ADARB1: variants seen among roughly 807,000 people sequenced by gnomAD.
ADARB1 encodes adenosine deaminase RNA specific B1.
A neutral mutation model predicts 52.4 loss-of-function variants in ADARB1; 10 were observed. The ratio of observed to expected loss-of-function variants is 0.19; its 90% confidence interval spans 0.12 to 0.32. The LOEUF is 0.32. Ranked by LOEUF, ADARB1 falls within the 10% of genes least tolerant of loss-of-function variation. The pLI is 1.00. For synonymous variants in ADARB1, 349 were observed against 371.1 expected (o/e 0.94, Z 0.68); for missense variants, 643 against 922.3 (o/e 0.70, Z 3.92).
At position 45,180,342 on chromosome 21, in the gene ADARB1, G is replaced by T. The variant is rs1303618439; in HGVS notation, c.976G>T (p.Ala326Ser). The change falls in exon 5 of 11, where the codon GCT (alanine) becomes TCT (serine). Residue 326 changes from alanine to serine, a missense_variant. Ala to Ser is a moderately conservative substitution (Grantham distance 99). This residue lies in a region of ADARB1 where 380 missense variants were observed against 446.5 expected (regional missense o/e 0.85). Coordinates refer to ENST00000348831, the MANE Select transcript of ADARB1 (RefSeq NM_001112.4). ...GCTTCCCACACAGGTTTTAGCTGACGCTGTCTCACGCCTGGTCCTGGGTAA... is the reference window on the plus strand; with the variant it reads ...GCTTCCCACACAGGTTTTAGCTGACTCTGTCTCACGCCTGGTCCTGGGTAA... The part of the protein sequence containing the change: ...QLHLPQVLAD[A>S]VSRLVLGKFG... 6.2e-7 allele frequency: 1 copy of T among 1,613,918 alleles called. No individual in the cohort carries two copies. The highest frequency in any genetic ancestry group is 1.1e-5 in the South Asian group (1 of 91,032).
chr21:45,176,016 C>T lies in ADARB1; in HGVS notation c.315C>T (p.His105=), dbSNP rs1195533439. The change falls in exon 4 of 11, where the codon CAC becomes CAT. Residue 105 remains histidine, a synonymous_variant. Coordinates refer to ENST00000348831, the MANE Select transcript of ADARB1 (RefSeq NM_001112.4). This position sits in a 1 kb window ranked among gnomAD's most constrained non-coding sequence, Gnocchi z 5.8. The part of the protein sequence containing the change: ...YTLLSQTGPV[H]APLFVMSVEV... ...TCCTGTCCCAGACTGGGCCCGTGCA[C>T]GCGCCTTTGTTTGTCATGTCTGTGG... The T allele has an allele frequency of 6.8e-6, 11 of 1,614,066 alleles. No individual in the cohort carries two copies. Among genetic ancestry groups the T allele is most frequent in the East Asian group, 2.2e-5 (1 of 44,902 alleles).
rs751872032 is a variant in ADARB1, at chr21:45,176,493, C to T, written c.792C>T (p.Val264=). The T allele has an allele frequency of 1.1e-5, 17 of 1,614,208 alleles. No individual in the cohort carries two copies. The highest frequency in any genetic ancestry group is 1.4e-5 in the Non-Finnish European group (17 of 1,180,040). ...GGGAGAGCCATGCCAAGAGCTTCGT[C>T]ATGTCTGTGGTCGTGGATGGTCAGT... is the stretch of plus-strand genomic sequence containing the variant. The part of the protein sequence containing the change: ...ESGESHAKSF[V]MSVVVDGQFF... The change falls in exon 4 of 11, where the codon GTC becomes GTT. Residue 264 remains valine (V), a synonymous_variant. Coordinates refer to ENST00000348831, the MANE Select transcript of ADARB1 (RefSeq NM_001112.4). The surrounding 1 kb of genome is among the most constrained non-coding windows in gnomAD (Gnocchi z 5.8).
rs555782270 is a variant in ADARB1, at chr21:45,114,289, C to T, written c.-219-14113C>T. ...CTGTGTCAAGTCAGGACACATGTAT[C>T]CCCATTCACATTGCTGAACTCAGGA... On this transcript the variant is annotated intron_variant, in intron 1 of 10. Coordinates refer to ENST00000348831, the MANE Select transcript of ADARB1 (RefSeq NM_001112.4). Among the ~76,000 whole-genome samples, 6 of 152,278 alleles carry T rather than the reference C, an allele frequency of 3.9e-5. No homozygotes were observed. The East Asian group carries it at 7.7e-4, about 20-fold the overall frequency.
rs1405279202 is a variant in ADARB1, at chr21:45,222,899, C to T, written c.*702C>T. On this transcript the variant is annotated 3_prime_UTR_variant, in exon 11 of 11. Coordinates refer to ENST00000348831, the MANE Select transcript of ADARB1 (RefSeq NM_001112.4). ...CTGTGTGTCCTGCAGAGGCGTGACC[C>T]AGGCCCCTGTAGCCCTCAGCCTCCT... The T allele has an allele frequency of 1.0e-6, 1 of 985,410 alleles. No homozygotes were observed. The highest frequency in any genetic ancestry group is 1.7e-5 in the African/African-American group (1 of 57,252). The allele number at this position is 985,410 out of a possible 1,614,324, so 61.0% of individuals were successfully genotyped here.
At chr21:45,195,226 T>A (rs1160558339) in intron 8 of ADARB1, among the ~76,000 whole-genome samples, 1 of 152,182 alleles carries the variant, frequency 6.6e-6, no homozygotes, top group Non-Finnish European at 1.5e-5. Flanking sequence ...TCTGTTAAAT[T>A]TTTTTGGCCA....
rs2090745531 is a variant in ADARB1, at chr21:45,157,846, C to T, written c.-47-13764C>T. 6.6e-6 allele frequency among the ~76,000 whole-genome samples: 1 copy of T among 152,192 alleles called. No homozygotes were observed. Among genetic ancestry groups the T allele is most frequent in the African/African-American group, 2.4e-5 (1 of 41,440 alleles). On this transcript the variant is annotated intron_variant, in intron 2 of 10. Coordinates refer to ENST00000348831, the MANE Select transcript of ADARB1 (RefSeq NM_001112.4). This position sits in a 1 kb window ranked among gnomAD's most constrained non-coding sequence, Gnocchi z 4.1. ...TTAAGCTCTGTTCTCTAACAGAAGT[C>T]ACCCTGGCAGTTGCTTCTAGTCCAG...
In ADARB1 at chr21:45,220,565, A is replaced by C. The variant is rs1243218229; in HGVS notation, c.1748-271A>C. Among the ~76,000 whole-genome samples the C allele has an allele frequency of 6.6e-6, 1 of 152,154 alleles. No homozygotes were observed. ...AGTCTCATGATTTCAGGTTTCTGTC[A>C]ATCTTCTGCCCACCTGCCCTGTCAG... On this transcript the variant is annotated intron_variant, in intron 9 of 10. Coordinates refer to ENST00000348831, the MANE Select transcript of ADARB1 (RefSeq NM_001112.4). The surrounding 1 kb of genome is among the most constrained non-coding windows in gnomAD (Gnocchi z 6.3).
At chr21:45,182,885 C>A in intron 6 of ADARB1, 132 bp downstream of exon 6, 1 of 871,548 alleles carries the variant, frequency 1.1e-6, no homozygotes, top group Non-Finnish European at 1.7e-6. Flanking sequence ...TAATTAGTAA[C>A]AATAAGGCTG....
At chr21:45,134,942 G>A in intron 2 of ADARB1, 1 of 412,924 alleles carries the variant, frequency 2.4e-6, no homozygotes, top group Non-Finnish European at 4.9e-6. Context: ...CTCTGCAGAT[G>A]CCCAGGTGGG....
rs756135135 is a variant in ADARB1, at chr21:45,176,356, C to G, written c.655C>G (p.Gln219Glu). 6.2e-7 allele frequency: 1 copy of G among 1,614,182 alleles called. No homozygotes were observed. The highest frequency in any genetic ancestry group is 1.1e-5 in the South Asian group (1 of 91,080). Reference protein sequence around the residue: ...SASPVPASLAQPPLPVLPPFP... With the variant: ...SASPVPASLAEPPLPVLPPFP... ...TTCCCCGGTGCCTGCCAGCCTAGCC[C>G]AGCCTCCTCTCCCTGTCTTACCACC... Residue 219 changes from glutamine (Q) to glutamate (E), a missense_variant, in exon 4 of 11, where the codon CAG becomes GAG. This residue lies in a region of ADARB1 where 380 missense variants were observed against 446.5 expected (regional missense o/e 0.85). Transcript: ENST00000348831. This position sits in a 1 kb window ranked among gnomAD's most constrained non-coding sequence, Gnocchi z 5.8.
intron 1 of ADARB1, among the ~76,000 whole-genome samples, chr21:45,110,317 A>G (rs2087477214): frequency 6.6e-6 from 1 of 152,156 alleles, no homozygotes; most frequent in Non-Finnish European, 1.5e-5. Context: ...TATTCTATGA[A>G]ATAATTAGTT....
intron 1 of ADARB1, among the ~76,000 whole-genome samples, chr21:45,108,893 T>C (rs1353145036): frequency 6.6e-6 from 1 of 152,258 alleles, no homozygotes; most frequent in East Asian, 1.9e-4. Flanking sequence ...CTTTGAAGGC[T>C]GTGTGATTGC....
At chr21:45,085,174 A>G (rs870350) in intron 1 of ADARB1, among the ~76,000 whole-genome samples, 10,186 of 152,116 alleles carry the variant, frequency 0.067, 391 homozygotes, top group East Asian at 0.15. Context: ...TCAAATTTCT[A>G]TCATTTGAGG....
In ADARB1 at chr21:45,223,498, C is replaced by T; in HGVS notation, c.*1301C>T. 1 of 985,654 alleles carries T rather than the reference C, an allele frequency of 1.0e-6. No individual in the cohort carries two copies. Among genetic ancestry groups the T allele is most frequent in the Non-Finnish European group, 1.2e-6 (1 of 830,108 alleles). 61.1% of individuals were successfully genotyped at this position (985,654 alleles called of 1,614,324 possible). On this transcript the variant is annotated 3_prime_UTR_variant, in exon 11 of 11. Coordinates refer to ENST00000348831, the MANE Select transcript of ADARB1 (RefSeq NM_001112.4). ...TGCACCAGGTGCCTTGTTGCCTCCG[C>T]TCAGGATGAAAGAGGAGCTGAGAGA...
chr21:45,193,014 T>C (rs563052472), intron 8 of ADARB1, among the ~76,000 whole-genome samples: 20 of 152,254 alleles, frequency 1.3e-4, no homozygotes, highest in African/African-American at 4.6e-4. Context: ...ATTCCAAACA[T>C]TTAAGGAAGA....
In ADARB1 at chr21:45,157,276, TCCAAA is replaced by T. The variant is rs1417898422; in HGVS notation, c.-47-14333_-47-14329del. ...CACTTGAAATACCATGGAAATTGGATCCAAAGCAGATTGAACAGTGCCAATTCTTA... is the reference window on the plus strand; with the variant it reads ...CACTTGAAATACCATGGAAATTGGATGCAGATTGAACAGTGCCAATTCTTA... On this transcript the variant is annotated intron_variant, in intron 2 of 10. Coordinates refer to ENST00000348831, the MANE Select transcript of ADARB1 (RefSeq NM_001112.4). The surrounding 1 kb of genome is among the most constrained non-coding windows in gnomAD (Gnocchi z 4.1). 1.3e-5 allele frequency among the ~76,000 whole-genome samples: 2 copies of T among 152,248 alleles called. No homozygotes were observed. The highest frequency in any genetic ancestry group is 4.8e-5 in the African/African-American group (2 of 41,464).
intron 1 of ADARB1, among the ~76,000 whole-genome samples, chr21:45,120,444 C>G (rs1419329907): frequency 2.0e-5 from 3 of 152,240 alleles, no homozygotes; most frequent in Non-Finnish European, 4.4e-5. Context: ...AATGCCTGCT[C>G]TGGAGAGGAG....
rs3788166 is a variant in ADARB1, at chr21:45,152,587, G to A, written c.-47-19023G>A. ...GGACAGAATGAGGCTGGGGCCGGCC[G>A]GACTGGCATTGGCGTGTCTGCATGG... On this transcript the variant is annotated intron_variant, in intron 2 of 10. Transcript: ENST00000348831. 607 of 385,530 alleles carry A rather than the reference G, an allele frequency of 1.6e-3. 11 individuals are homozygous for A. In the East Asian group the frequency reaches 0.029, roughly 19 times the overall value. The allele number at this position is 385,530 out of a possible 1,614,324, so 23.9% of individuals were successfully genotyped here.
chr21:45,143,592 G>A (rs1258005762), intron 2 of ADARB1, among the ~76,000 whole-genome samples: 2 of 152,206 alleles, frequency 1.3e-5, no homozygotes, highest in South Asian at 2.1e-4. Context: ...TGACTGCCAT[G>A]TCCTCACTGT....
Sources: allele counts gnomAD v4.1 joint callset (sites outside exome capture counted in the v4.1 genomes callset), GRCh38; gene constraint gnomAD v4.1.1; regional missense constraint gnomAD v4.1.1; non-coding constraint Gnocchi (gnomAD v3.1); transcripts MANE v1.5; gene names NCBI Gene and HGNC (gene_info 2026-07-23, HGNC 2026-07-21).